NACC1: variants seen among roughly 807,000 people sequenced by gnomAD.
NACC1 encodes nucleus accumbens associated 1, also known as nucleus accumbens-associated protein 1.
A neutral mutation model predicts 41.7 loss-of-function variants in NACC1; 6 were observed. The ratio of observed to expected loss-of-function variants is 0.14; its 90% CI spans 0.08 to 0.28. NACC1 has a LOEUF of 0.28. Ranked by LOEUF, NACC1 falls within the 10% of genes least tolerant of loss-of-function variation. The pLI is 1.00. For missense variants in NACC1, 434 were observed against 763.7 expected (o/e 0.57, Z 5.09); for synonymous variants, 338 against 330.6 (o/e 1.02, Z -0.24).
chr19:13,124,104 G>GA (rs1441824454), intron 1 of NACC1, among the ~76,000 whole-genome samples: 3 of 151,908 alleles, frequency 2.0e-5, no homozygotes, highest in Admixed American at 6.6e-5. Flanking sequence ...GGGTGTATAA[G>GA]AAAAAAAATA....
At chr19:13,123,471 C>G (rs1362491336) in intron 1 of NACC1, among the ~76,000 whole-genome samples, 1 of 152,100 alleles carries the variant, frequency 6.6e-6, no homozygotes, top group African/African-American at 2.4e-5. Context: ...AGGCAGCACG[C>G]GGAGACTGCT....
At chr19:13,125,910 T>A (rs910102238) in intron 1 of NACC1, among the ~76,000 whole-genome samples, 3 of 151,894 alleles carry the variant, frequency 2.0e-5, no homozygotes, top group African/African-American at 7.3e-5. Context: ...CTAATTTTTG[T>A]ATTTTTAGTA....
Position 13,127,400 on chromosome 19 carries a change from T to TTTTTTTTTTTTTTC in NACC1, c.-8-7800_-8-7799insTTTTTTTTTTTTTC, listed in dbSNP as rs1245933408. Among the ~76,000 whole-genome samples the TTTTTTTTTTTTTTC allele has an allele frequency of 5.9e-4, 60 of 100,868 alleles. 8 individuals carry two copies. Among genetic ancestry groups the TTTTTTTTTTTTTTC allele is most frequent in the African/African-American group, 2.3e-3 (58 of 25,594 alleles). 66.2% of individuals were successfully genotyped at this position (100,868 alleles called of 152,430 possible). On this transcript the variant is annotated intron_variant, in intron 1 of 5. Transcript: ENST00000292431. ...TTTTTTTTTTTTTTTTTTTTTTTTT[T>TTTTTTTTTTTTTTC]CGGTTAACTGGATGGGCCGGGTGCC...
intron 1 of NACC1, among the ~76,000 whole-genome samples, chr19:13,122,767 C>A (rs906522627): frequency 6.6e-6 from 1 of 152,082 alleles, no homozygotes; most frequent in African/African-American, 2.4e-5. Context: ...CCTGTTAATC[C>A]CATGAAATGT....
rs2019709258 is a variant in NACC1, at chr19:13,136,499, C to T, written c.1120+94C>T. 4 of 1,396,578 alleles carry T rather than the reference C, an allele frequency of 2.9e-6. No homozygotes were observed. The highest frequency in any genetic ancestry group is 1.4e-5 in the African/African-American group (1 of 69,166). The allele number at this position is 1,396,578 out of a possible 1,614,324, so 86.5% of individuals were successfully genotyped here. On this transcript the variant is annotated intron_variant, in intron 3 of 5. Coordinates refer to ENST00000292431, the MANE Select transcript of NACC1 (RefSeq NM_052876.4). The surrounding 1 kb of genome is among the most constrained non-coding windows in gnomAD (Gnocchi z 5.5). ...GCAGCTGGTTAGGAGCCCCCAGCAC[C>T]TCAGTTTCCCTATCTGTGCTGTAGT...
chr19:13,125,663 G>A (rs1390985296), intron 1 of NACC1, among the ~76,000 whole-genome samples: 3 of 152,048 alleles, frequency 2.0e-5, no homozygotes, highest in Non-Finnish European at 2.9e-5. Flanking sequence ...CAGGTAATCC[G>A]CCTGTCTCTG....
At chr19:13,122,818 A>G (rs1020122279) in intron 1 of NACC1, among the ~76,000 whole-genome samples, 14 of 151,956 alleles carry the variant, frequency 9.2e-5, no homozygotes, top group African/African-American at 3.4e-4. Context: ...GATGTCTTCT[A>G]CTCCCAGGGA....
At chr19:13,120,849 C>T (rs1033055784) in intron 1 of NACC1, among the ~76,000 whole-genome samples, 1 of 152,182 alleles carries the variant, frequency 6.6e-6, no homozygotes, top group Non-Finnish European at 1.5e-5. Flanking sequence ...GGAGAAGGCA[C>T]CAGTAATAAC....
At chr19:13,130,429 C>G (rs1379970932) in intron 1 of NACC1, among the ~76,000 whole-genome samples, 1 of 151,886 alleles carries the variant, frequency 6.6e-6, no homozygotes, top group Non-Finnish European at 1.5e-5. Flanking sequence ...GCATCTATTT[C>G]ATTCTAAAGA....
Position 13,136,399 on chromosome 19 carries a change from G to T in NACC1, c.1114G>T (p.Val372Leu). Residue 372 changes from valine (V) to leucine (L), a missense_variant, in exon 3 of 6, where the codon GTG becomes TTG. Val to Leu is a conservative substitution (Grantham distance 32). Transcript: ENST00000292431. The surrounding 1 kb of genome is among the most constrained non-coding windows in gnomAD (Gnocchi z 5.5). ...CGACCCCTCTGAGAAGCTGGAGCTG[G>T]TGACAGGTGGGCCGGTCTCGCCCCA... The part of the protein sequence containing the change: ...EGDPSEKLEL[V>L]TGTNVYITRA... 6.2e-7 allele frequency: 1 copy of T among 1,612,748 alleles called. No homozygotes were observed.
chr19:13,130,081 CT>C (rs1332889305), intron 1 of NACC1, among the ~76,000 whole-genome samples: 1 of 151,796 alleles, frequency 6.6e-6, no homozygotes, highest in Non-Finnish European at 1.5e-5. Context: ...TTTGTTTTTG[CT>C]TTTTTTGTTT....
chr19:13,133,751 A>G (rs1457065412), intron 1 of NACC1, among the ~76,000 whole-genome samples: 1 of 152,194 alleles, frequency 6.6e-6, no homozygotes, highest in Admixed American at 6.5e-5. Context: ...ACAGGTTTTC[A>G]ATGCAGGCAA....
chr19:13,122,289 G>A (rs1211039230), intron 1 of NACC1, among the ~76,000 whole-genome samples: 1 of 152,078 alleles, frequency 6.6e-6, no homozygotes, highest in East Asian at 1.9e-4. Flanking sequence ...AAAGGGAGAG[G>A]GTAGGTAAGG....
Position 13,135,288 on chromosome 19 carries a change from C to T in NACC1, c.81C>T (p.Gly27=). Residue 27 remains glycine (G), a synonymous_variant, in exon 2 of 6, where the codon GGC becomes GGT. Transcript: ENST00000292431. The stretch of plus-strand genomic sequence containing the variant: ...GCCTCAATGAACAGCGGCTGCAGGG[C>T]CTGTACTGTGACGTGTCAGTGGTGG... ...LECLNEQRLQ[G]LYCDVSVVVK... 6.2e-7 allele frequency: 1 copy of T among 1,613,860 alleles called. No homozygotes were observed. The highest frequency in any genetic ancestry group is 8.5e-7 in the Non-Finnish European group (1 of 1,180,030).
intron 1 of NACC1, among the ~76,000 whole-genome samples, chr19:13,125,409 C>T (rs1338119865): frequency 5.6e-5 from 7 of 124,678 alleles, no homozygotes; most frequent in Non-Finnish European, 9.6e-5. Flanking sequence ...CCCGAAGGCC[C>T]CACTTTTTTT....
At chr19:13,120,692 T>C (rs1444791252) in intron 1 of NACC1, among the ~76,000 whole-genome samples, 1 of 152,196 alleles carries the variant, frequency 6.6e-6, no homozygotes, top group Non-Finnish European at 1.5e-5. Flanking sequence ...ACAGACTGGG[T>C]CCTCCTGGAC....
intron 1 of NACC1, among the ~76,000 whole-genome samples, chr19:13,123,701 G>A (rs1176964583): frequency 1.3e-5 from 2 of 152,160 alleles, no homozygotes; most frequent in South Asian, 2.1e-4. Context: ...CTCTGGGCTC[G>A]GCCGGTCCGG....
Position 13,139,295 on chromosome 19 carries a change from C to G in NACC1, c.*889C>G, listed in dbSNP as rs981644015. 4 of 152,078 alleles carry G rather than the reference C, an allele frequency of 2.6e-5. No individual in the cohort carries two copies. The highest frequency in any genetic ancestry group is 4.4e-5 in the Non-Finnish European group (3 of 67,982). 9.4% of individuals were successfully genotyped at this position (152,078 alleles called of 1,614,324 possible). On this transcript the variant is annotated 3_prime_UTR_variant, in exon 6 of 6. Coordinates refer to ENST00000292431, the MANE Select transcript of NACC1 (RefSeq NM_052876.4). Reference sequence around the variant, plus strand: ...TCCCTCCATCTCCCCACACCCACCCCACCCCACAGCAGGGCTCCTGGCCCC... The same window carrying G: ...TCCCTCCATCTCCCCACACCCACCCGACCCCACAGCAGGGCTCCTGGCCCC...
Position 13,135,880 on chromosome 19 carries a change from G to A in NACC1, c.673G>A (p.Ala225Thr), listed in dbSNP as rs576631867. The A allele has an allele frequency of 1.3e-6, 2 of 1,557,742 alleles. No individual in the cohort carries two copies. The highest frequency in any genetic ancestry group is 1.4e-5 in the African/African-American group (1 of 73,830). ...RPHQPPPPQQ[A>T]PVVAAAQPAV... ...TCACCAGCCCCCGCCACCCCAACAG[G>A]CTCCGGTGGTGGCAGCAGCCCAGCC... The change falls in exon 2 of 6, where the codon GCT becomes ACT. Residue 225 changes from alanine to threonine, a missense_variant. Around this residue, in one of 4 missense-constraint regions of NACC1, gnomAD observed 234 missense variants for 308.3 expected, o/e 0.76. Coordinates refer to ENST00000292431, the MANE Select transcript of NACC1 (RefSeq NM_052876.4).
Sources: gnomAD v4.1 joint callset for allele counts (sites outside exome capture counted in the v4.1 genomes callset) on GRCh38, gnomAD v4.1.1 for gene constraint, gnomAD v4.1.1 regional missense constraint, Gnocchi (gnomAD v3.1) non-coding constraint, MANE v1.5 for transcripts, NCBI Gene and HGNC (gene_info 2026-07-23, HGNC 2026-07-21) for gene names.